Variants in N4BP2 observed in about 807,000 individuals in gnomAD.
N4BP2 encodes NEDD4-binding protein 2.
N4BP2 carries 91 observed loss-of-function variants against 152.8 expected under a neutral mutation model. The observed-to-expected ratio is 0.60, with a 90% CI of 0.50 to 0.71. N4BP2 has a LOEUF of 0.71. Ranked by LOEUF, N4BP2 falls within the 30% of genes least tolerant of loss-of-function variation. N4BP2 has a pLI of 0.00. For missense variants in N4BP2, 1,923 were observed against 2,059.1 expected, an observed-to-expected ratio of 0.93 and a Z score of 1.28; for synonymous variants, 646 against 705.3, an observed-to-expected ratio of 0.92 and a Z score of 1.33.
At chr4:40,124,119 A>G (rs1389434678) in intron 10 of N4BP2, 41 bp from the exon 11 acceptor site, 2 of 1,537,132 alleles carry the variant, frequency 1.3e-6, no homozygotes, top group Non-Finnish European at 1.8e-6. Flanking sequence ...TTACTAATGC[A>G]CTCCCTGTTT....
intron 2 of N4BP2, among the ~76,000 whole-genome samples, chr4:40,080,138 A>C (rs1017839981): frequency 1.3e-5 from 2 of 152,074 alleles, no homozygotes; most frequent in African/African-American, 4.8e-5. Flanking sequence ...TGAAGATGCT[A>C]TACAAGGTTG....
chr4:40,105,478 C>T (rs550221765), intron 4 of N4BP2, among the ~76,000 whole-genome samples: 164 of 151,856 alleles, frequency 1.1e-3, no homozygotes, highest in African/African-American at 3.9e-3. Context: ...GTATCTGCTG[C>T]CACCCCCAGC....
intron 2 of N4BP2, among the ~76,000 whole-genome samples, chr4:40,090,539 A>G (rs192925024): frequency 1.2e-4 from 18 of 152,314 alleles, no homozygotes; most frequent in Admixed American, 1.1e-3. Context: ...TTTAAGTGAA[A>G]CGACATGTAT....
At chr4:40,142,287 C>G (rs1385238145) in intron 14 of N4BP2, 1 of 324,238 alleles carries the variant, frequency 3.1e-6, no homozygotes, top group Non-Finnish European at 6.1e-6. Flanking sequence ...TCCTTTGGAT[C>G]ATGGCCCTCC....
chr4:40,093,039 G>A (rs1318772082), intron 2 of N4BP2, among the ~76,000 whole-genome samples: 1 of 151,702 alleles, frequency 6.6e-6, no homozygotes, highest in African/African-American at 2.4e-5. Flanking sequence ...TGCCTCCTGG[G>A]TTCAAACGAT....
At chr4:40,071,282 T>C (rs1362835896) in intron 1 of N4BP2, among the ~76,000 whole-genome samples, 1 of 150,938 alleles carries the variant, frequency 6.6e-6, no homozygotes, top group Non-Finnish European at 1.5e-5. Context: ...TACTTCTTCC[T>C]CTATCCCCTA....
chr4:40,057,670 A>C (rs1560561046), intron 1 of N4BP2, among the ~76,000 whole-genome samples: 1 of 152,020 alleles, frequency 6.6e-6, no homozygotes, highest in Non-Finnish European at 1.5e-5. Context: ...CCCCTCTCTC[A>C]TCGGGACTCT....
In N4BP2 at chr4:40,064,449, A is replaced by AT. The variant is rs1733884444; in HGVS notation, c.-212+7424dup. On this transcript the variant is annotated intron_variant, in intron 1 of 17. Coordinates refer to ENST00000261435, the MANE Select transcript of N4BP2 (RefSeq NM_018177.6). The stretch of plus-strand genomic sequence containing the variant: ...ACCACCACGCCTGGCTAATTTTTGT[A>AT]TTTTTAGTAGAGACGGGGTTTTGCC... Among the ~76,000 whole-genome samples, 3 of 151,660 alleles carry AT rather than the reference A, an allele frequency of 2.0e-5. No individual in the cohort carries two copies. The South Asian group carries it at 6.3e-4, about 32-fold the overall frequency.
chr4:40,084,630 AAT>A (rs772690042), intron 2 of N4BP2, among the ~76,000 whole-genome samples: 39 of 126,970 alleles, frequency 3.1e-4, no homozygotes, highest in Non-Finnish European at 5.3e-4. Context: ...ATATATATAT[AAT>A]TTTTTTTTTT....
chr4:40,110,543 C>T (rs1716771672), intron 5 of N4BP2, among the ~76,000 whole-genome samples: 1 of 152,056 alleles, frequency 6.6e-6, no homozygotes, highest in Admixed American at 6.6e-5. Flanking sequence ...TGTATATCTT[C>T]TCTGGAGAAA....
chr4:40,131,752 T>C (rs1355264998), intron 12 of N4BP2, 49 bp from the exon 13 acceptor site: 3 of 1,343,804 alleles, frequency 2.2e-6, no homozygotes, highest in African/African-American at 2.9e-5. Context: ...TCAGTGTTTC[T>C]AGTATTACAC....
chr4:40,161,687 G>A (rs1721864512), downstream of N4BP2, among the ~76,000 whole-genome samples: 1 of 152,208 alleles, frequency 6.6e-6, no homozygotes, highest in Admixed American at 6.5e-5. Flanking sequence ...GCAAGTGGCT[G>A]TGGGTACTTA....
chr4:40,126,858 A>G (rs1718457334), intron 12 of N4BP2, among the ~76,000 whole-genome samples: 1 of 151,662 alleles, frequency 6.6e-6, no homozygotes, highest in Non-Finnish European at 1.5e-5. Context: ...TTCGGGTTCA[A>G]ACGATTCTCC....
chr4:40,169,764 A>C, the N4BP2 span, among the ~76,000 whole-genome samples: 3 of 151,554 alleles, frequency 2.0e-5, no homozygotes, highest in African/African-American at 7.3e-5. Context: ...CAGGTGTTCG[A>C]GACCAGCGTG....
At position 40,120,141 on chromosome 4, in the gene N4BP2, T is replaced by G; in HGVS notation, c.2030T>G (p.Ile677Ser). 1 of 1,612,602 alleles carries G rather than the reference T, an allele frequency of 6.2e-7. No homozygotes were observed. The highest frequency in any genetic ancestry group is 8.5e-7 in the Non-Finnish European group (1 of 1,179,568). The change falls in exon 9 of 18, where the codon ATT (isoleucine) becomes AGT (serine). Residue 677 changes from isoleucine (I) to serine (S), a missense_variant. Transcript: ENST00000261435. ...AATCCTAGCATTCAAAGTGCTTTAA[T>G]TCTGGAAACTCCACACATGTATTTT... ...DMNPSIQSALILETPHMYFSD... is the reference protein window; with the variant it reads ...DMNPSIQSALSLETPHMYFSD...
intron 2 of N4BP2, among the ~76,000 whole-genome samples, chr4:40,083,535 GA>G (rs1336917943): frequency 6.6e-6 from 1 of 152,142 alleles, no homozygotes. Context: ...CTACAACATG[GA>G]TGAACCTGGA....
chr4:40,125,774 C>T (rs913160656), intron 11 of N4BP2, among the ~76,000 whole-genome samples: 1 of 151,738 alleles, frequency 6.6e-6, no homozygotes, highest in Non-Finnish European at 1.5e-5. Flanking sequence ...GTAATCCCAG[C>T]TACTTCGGAG....
At position 40,120,749 on chromosome 4, in the gene N4BP2, A is replaced by C; in HGVS notation, c.2638A>C (p.Asn880His). 6.2e-7 allele frequency: 1 copy of C among 1,614,174 alleles called. No individual in the cohort carries two copies. Among genetic ancestry groups the C allele is most frequent in the Non-Finnish European group, 8.5e-7 (1 of 1,180,028 alleles). Reference sequence around the variant, plus strand: ...TAAAAATATTGACAAAAACTCATTCAACATTATGGGTGACTGGCCTTCATC... The same window carrying C: ...TAAAAATATTGACAAAAACTCATTCCACATTATGGGTGACTGGCCTTCATC... ...AYKNIDKNSF[N>H]IMGDWPSSDS... The change falls in exon 9 of 18, where the codon AAC becomes CAC. Residue 880 changes from asparagine to histidine, a missense_variant. By Grantham distance (68) the Asn-to-His change is moderately conservative. Transcript: ENST00000261435.
At chr4:40,177,005 A>G in the N4BP2 span, among the ~76,000 whole-genome samples, 1 of 152,080 alleles carries the variant, frequency 6.6e-6, no homozygotes, top group African/African-American at 2.4e-5. Flanking sequence ...TGGCTGTGGG[A>G]CGGATAAGAA....
Sources: allele counts gnomAD v4.1 joint callset (sites outside exome capture counted in the v4.1 genomes callset), GRCh38; gene constraint gnomAD v4.1.1; transcripts MANE v1.5; gene names NCBI Gene and HGNC (gene_info 2026-07-23, HGNC 2026-07-21).